EDA: variants seen among roughly 807,000 people sequenced by gnomAD.
The protein encoded by EDA is ectodysplasin-A.
EDA carries 2 observed loss-of-function variants against 23.6 expected under a neutral mutation model. The observed-to-expected ratio is 0.08, with a 90% CI of 0.03 to 0.27. The LOEUF (loss-of-function observed/expected upper bound fraction) is 0.27. Among genes scored for constraint, EDA ranks in the 10% least tolerant of loss-of-function variants. The probability of loss-of-function intolerance (pLI) is 1.00; values close to 1 mark genes in which losing one functional copy is unlikely to be tolerated. For missense variants in EDA, 229 were observed against 324.2 expected (o/e 0.71, Z 2.26); for synonymous variants, 131 against 132.0 (o/e 0.99, Z 0.05).
intron 1 of EDA, among the ~76,000 whole-genome samples, chrX:69,732,603 G>T (rs1165855665): frequency 8.9e-6 from 1 of 112,025 alleles, no homozygotes; most frequent in Non-Finnish European, 1.9e-5. Flanking sequence ...ATAATCCTTT[G>T]GGTATGTACC....
intron 3 of EDA, among the ~76,000 whole-genome samples, chrX:70,026,244 C>CATGT (rs748700260): frequency 9.8e-5 from 11 of 112,324 alleles, no homozygotes; most frequent in Non-Finnish European, 1.9e-4. Flanking sequence ...CCTGTGCCTA[C>CATGT]ATGTAGTCTT....
At chrX:69,817,515 A>G (rs965786653) in intron 1 of EDA, among the ~76,000 whole-genome samples, 1 of 112,184 alleles carries the variant, frequency 8.9e-6, no homozygotes, top group Non-Finnish European at 1.9e-5. Flanking sequence ...AAATAAATGG[A>G]TGGAAGAAAA....
At chrX:69,867,919 T>C (rs2017511245) in intron 1 of EDA, among the ~76,000 whole-genome samples, 1 of 111,891 alleles carries the variant, frequency 8.9e-6, no homozygotes, top group African/African-American at 3.3e-5. Context: ...ACCCACTTTA[T>C]GGCTAGATGG....
At chrX:69,729,373 T>G (rs2012935291) in intron 1 of EDA, among the ~76,000 whole-genome samples, 1 of 111,022 alleles carries the variant, frequency 9.0e-6, no homozygotes, top group Admixed American at 9.6e-5. Flanking sequence ...TATACCCTAC[T>G]TTTCCTTCTC....
At chrX:69,939,019 T>C (rs1472502644) in intron 1 of EDA, among the ~76,000 whole-genome samples, 1 of 111,905 alleles carries the variant, frequency 8.9e-6, no homozygotes, top group Non-Finnish European at 1.9e-5. Flanking sequence ...CAATTTGAAG[T>C]CAGGTGATGT....
At chrX:69,663,298 G>C (rs1483007861) in intron 1 of EDA, among the ~76,000 whole-genome samples, 1 of 112,011 alleles carries the variant, frequency 8.9e-6, no homozygotes, top group Admixed American at 9.5e-5. Flanking sequence ...GGATCCCCCT[G>C]CTGTATGTGC....
At chrX:69,644,883 TG>T (rs1932887945) in intron 1 of EDA, among the ~76,000 whole-genome samples, 1 of 112,011 alleles carries the variant, frequency 8.9e-6, no homozygotes, top group Non-Finnish European at 1.9e-5. Flanking sequence ...TTGTGGTTTT[TG>T]TCTTTAGTTC....
At chrX:69,980,846 T>G (rs1464811645) in intron 2 of EDA, among the ~76,000 whole-genome samples, 1 of 112,301 alleles carries the variant, frequency 8.9e-6, no homozygotes, top group Non-Finnish European at 1.9e-5. Flanking sequence ...TTACAGGTGG[T>G]GTGGAAAGAT....
intron 2 of EDA, among the ~76,000 whole-genome samples, chrX:69,973,423 G>A (rs950268379): frequency 1.5e-4 from 17 of 111,759 alleles, no homozygotes; most frequent in Non-Finnish European, 3.8e-5. Context: ...CTAACACCAC[G>A]TGGTCCAGTC....
intron 1 of EDA, among the ~76,000 whole-genome samples, chrX:69,943,315 T>G (rs755037745): frequency 6.3e-5 from 7 of 111,598 alleles, no homozygotes; most frequent in Non-Finnish European, 1.3e-4. Context: ...CCATCCTTCT[T>G]GGGAGGGCTT....
At chrX:69,719,227 T>G (rs745808184) in intron 1 of EDA, among the ~76,000 whole-genome samples, 1 of 111,542 alleles carries the variant, frequency 9.0e-6, no homozygotes, top group Non-Finnish European at 1.9e-5. Context: ...ATTGTTTTTT[T>G]TTTCCCTAAG....
At chrX:69,782,475 G>A (rs1427303202) in intron 1 of EDA, among the ~76,000 whole-genome samples, 4 of 109,895 alleles carry the variant, frequency 3.6e-5, no homozygotes, top group African/African-American at 1.0e-4. Flanking sequence ...TTGGTCTTGT[G>A]TGGCCACACA....
intron 1 of EDA, among the ~76,000 whole-genome samples, chrX:69,951,912 C>T (rs1366065489): frequency 8.9e-6 from 1 of 111,965 alleles, no homozygotes; most frequent in Non-Finnish European, 1.9e-5. Flanking sequence ...CTGTGGCCAA[C>T]ATTCCTGATG....
intron 1 of EDA, among the ~76,000 whole-genome samples, chrX:69,688,847 G>A (rs1309157148): frequency 8.9e-6 from 1 of 112,125 alleles, no homozygotes; most frequent in Non-Finnish European, 1.9e-5. Context: ...ATGCCCAGAA[G>A]TTTGTATTTT....
chrX:69,912,818 G>A (rs1334428781), intron 1 of EDA, among the ~76,000 whole-genome samples: 3 of 102,229 alleles, frequency 2.9e-5, no homozygotes, highest in Non-Finnish European at 3.9e-5. Flanking sequence ...GCCCAGGCTG[G>A]AGTATAGTGG....
intron 1 of EDA, among the ~76,000 whole-genome samples, chrX:69,947,674 A>G (rs1042824732): frequency 8.9e-6 from 1 of 112,303 alleles, no homozygotes; most frequent in Non-Finnish European, 1.9e-5. Flanking sequence ...GAATCTCAGT[A>G]GTAGTCATCC....
intron 1 of EDA, among the ~76,000 whole-genome samples, chrX:69,706,566 CT>C (rs757459313): frequency 4.0e-4 from 38 of 94,613 alleles, no homozygotes; most frequent in Admixed American, 9.1e-4. Context: ...AGATGTGAAA[CT>C]TCAATCAAAC....
rs187438023 is a variant in EDA, at chrX:69,988,062, A to T, written c.502+30930A>T. Among the ~76,000 whole-genome samples, 272 of 112,150 alleles carry T rather than the reference A, an allele frequency of 2.4e-3. 2 individuals are homozygous for T. Among genetic ancestry groups the T allele is most frequent in the African/African-American group, 8.4e-3 (260 of 30,835 alleles). Reference sequence around the variant, plus strand: ...AATGGGGGTAAGAGGTTGAGCTTCCACCCCTACCTAGTATCAAAAAGACTG... The same window carrying T: ...AATGGGGGTAAGAGGTTGAGCTTCCTCCCCTACCTAGTATCAAAAAGACTG... On this transcript the variant is annotated intron_variant, in intron 2 of 7. Transcript: ENST00000374552.
At chrX:69,958,827 C>G (rs896168531) in intron 2 of EDA, among the ~76,000 whole-genome samples, 1 of 111,201 alleles carries the variant, frequency 9.0e-6, no homozygotes, top group African/African-American at 3.3e-5. Flanking sequence ...GTAAGTCTCT[C>G]CACCTTCAGC....
Sources: allele counts gnomAD v4.1 joint callset (sites outside exome capture counted in the v4.1 genomes callset), GRCh38; gene constraint gnomAD v4.1.1; transcripts MANE v1.5; gene names NCBI Gene and HGNC (gene_info 2026-07-23, HGNC 2026-07-21).